The following HYKK variants were observed in gnomAD, a reference collection of about 807,000 sequenced individuals.
The protein encoded by HYKK is 5-hydroxy-L-lysine kinase.
In HYKK, 19 loss-of-function variants were observed where a neutral mutation model predicts 29.7. That is an observed-to-expected ratio of 0.64 (90% CI 0.45 to 0.94). The LOEUF is 0.94. Among genes scored for constraint, HYKK ranks in the 40% least tolerant of loss-of-function variants. The probability of loss-of-function intolerance (pLI) is 0.00; values close to 1 mark genes in which losing one functional copy is unlikely to be tolerated. For missense variants in HYKK, 390 were observed against 443.4 expected, an observed-to-expected ratio of 0.88 and a Z score of 1.08; for synonymous variants, 152 against 158.1, an observed-to-expected ratio of 0.96 and a Z score of 0.29.
intron 3 of HYKK, among the ~76,000 whole-genome samples, chr15:78,524,801 T>A (rs969932237): frequency 1.3e-5 from 2 of 151,930 alleles, no homozygotes; most frequent in Non-Finnish European, 1.5e-5. Context: ...AGAGAGAGAC[T>A]CTGCCTCAAA....
chr15:78,528,912 C>G, intron 4 of HYKK: 4 of 920,072 alleles, frequency 4.3e-6, no homozygotes, highest in Non-Finnish European at 3.9e-6. Flanking sequence ...TAAGGTGTAG[C>G]GTAAAAACAG....
intron 3 of HYKK, among the ~76,000 whole-genome samples, chr15:78,516,166 A>G (rs1181628781): frequency 6.6e-6 from 1 of 152,152 alleles, no homozygotes; most frequent in African/African-American, 2.4e-5. Context: ...AGACCCACCC[A>G]TAAAACATCT....
At chr15:78,514,771 A>G (rs542139805) in intron 2 of HYKK, among the ~76,000 whole-genome samples, 197 bp from the exon 3 acceptor site, 1 of 152,268 alleles carries the variant, frequency 6.6e-6, no homozygotes, top group South Asian at 2.1e-4. Flanking sequence ...ACTCTGCTTC[A>G]TAGAATCCTG....
intron 2 of HYKK, among the ~76,000 whole-genome samples, chr15:78,514,287 CG>C (rs2052104653): frequency 6.6e-6 from 1 of 152,048 alleles, no homozygotes; most frequent in Admixed American, 6.6e-5. Context: ...TCCCTAAGGC[CG>C]CCAGTCCTCA....
At chr15:78,513,529 A>T (rs2052097360) in intron 2 of HYKK, 104 bp downstream of exon 2, 1 of 810,786 alleles carries the variant, frequency 1.2e-6, no homozygotes, top group East Asian at 2.5e-5. Context: ...CCAAGTGTAG[A>T]TGTGGTTGTT....
At chr15:78,517,925 G>T (rs2052153296) in intron 3 of HYKK, among the ~76,000 whole-genome samples, 1 of 152,162 alleles carries the variant, frequency 6.6e-6, no homozygotes, top group Admixed American at 6.6e-5. Flanking sequence ...GTTTTGAGTA[G>T]TTTCCTCACA....
At chr15:78,517,405 C>T (rs143451221) in intron 3 of HYKK, among the ~76,000 whole-genome samples, 2,928 of 152,050 alleles carry the variant, frequency 0.019, 240 homozygotes, top group Admixed American at 0.13. Flanking sequence ...ATGGCAAAAC[C>T]CTGTCTCTAC....
intron 3 of HYKK, among the ~76,000 whole-genome samples, chr15:78,519,845 AC>A (rs1269010160): frequency 6.6e-6 from 1 of 152,192 alleles, no homozygotes; most frequent in East Asian, 1.9e-4. Context: ...ACTTAAACCT[AC>A]TATTGAGGTT....
chr15:78,537,248 G>A, downstream of HYKK: 1 of 553,944 alleles, frequency 1.8e-6, no homozygotes, highest in Non-Finnish European at 3.4e-6. Flanking sequence ...GGTTTCTCTG[G>A]AAGACCCTAA....
intron 3 of HYKK, among the ~76,000 whole-genome samples, chr15:78,526,535 A>C (rs1387874227): frequency 6.6e-6 from 1 of 152,208 alleles, no homozygotes; most frequent in African/African-American, 2.4e-5. Flanking sequence ...GGGCATCCCC[A>C]AAAAGGGAAA....
At chr15:78,526,045 C>T (rs1274284916) in intron 3 of HYKK, among the ~76,000 whole-genome samples, 1 of 152,208 alleles carries the variant, frequency 6.6e-6, no homozygotes, top group African/African-American at 2.4e-5. Context: ...CTCCCTCAGC[C>T]TTATAATAAC....
chr15:78,511,496 G>A (rs1025569051), intron 1 of HYKK, among the ~76,000 whole-genome samples: 1 of 151,598 alleles, frequency 6.6e-6, no homozygotes, highest in African/African-American at 2.4e-5. Flanking sequence ...ACAAAGCAGA[G>A]GCAGGCAGAT....
At chr15:78,518,190 A>AT (rs1172728394) in intron 3 of HYKK, among the ~76,000 whole-genome samples, 2 of 151,842 alleles carry the variant, frequency 1.3e-5, no homozygotes, top group Non-Finnish European at 2.9e-5. Context: ...TGTGTGTTTT[A>AT]TTTTTTATTT....
intron 4 of HYKK, chr15:78,527,891 T>C (rs887154718): frequency 1.1e-5 from 3 of 283,372 alleles, no homozygotes; most frequent in East Asian, 2.8e-4. Flanking sequence ...TTCTGCAACC[T>C]GCCTTTTCTA....
chr15:78,531,704 T>C (rs2052314391), intron 4 of HYKK, among the ~76,000 whole-genome samples: 1 of 152,146 alleles, frequency 6.6e-6, no homozygotes. Flanking sequence ...CTAAATTTTG[T>C]ATTTTTAATA....
At chr15:78,524,216 C>T (rs971285961) in intron 3 of HYKK, among the ~76,000 whole-genome samples, 2 of 152,254 alleles carry the variant, frequency 1.3e-5, no homozygotes, top group African/African-American at 2.4e-5. Flanking sequence ...TCCATACATC[C>T]TCTGAAATCC....
intron 3 of HYKK, among the ~76,000 whole-genome samples, chr15:78,518,421 C>T (rs2052158007): frequency 6.6e-6 from 1 of 152,140 alleles, no homozygotes; most frequent in Non-Finnish European, 1.5e-5. Flanking sequence ...ATGATCCACC[C>T]ACCTTGGCTT....
intron 3 of HYKK, among the ~76,000 whole-genome samples, chr15:78,523,736 T>G (rs994379119): frequency 6.6e-6 from 1 of 152,180 alleles, no homozygotes; most frequent in Non-Finnish European, 1.5e-5. Flanking sequence ...AGTATAGACA[T>G]TGGGTAAACA....
intron 3 of HYKK, among the ~76,000 whole-genome samples, chr15:78,524,423 A>T (rs1596032412): frequency 6.6e-6 from 1 of 152,228 alleles, no homozygotes; most frequent in Non-Finnish European, 1.5e-5. Context: ...TGTGTAGGGC[A>T]GCAGGGCCCT....
Sources: gnomAD v4.1 joint callset for allele counts (sites outside exome capture counted in the v4.1 genomes callset) on GRCh38, gnomAD v4.1.1 for gene constraint, MANE v1.5 for transcripts, NCBI Gene and HGNC (gene_info 2026-07-23, HGNC 2026-07-21) for gene names.